The following ATXN2 variants were observed in gnomAD, a reference collection of about 807,000 sequenced individuals.
ATXN2 encodes ataxin 2, also known as ataxin-2.
A neutral mutation model predicts 138.6 loss-of-function variants in ATXN2; 37 were observed. The observed-to-expected ratio is 0.27, with a 90% CI of 0.21 to 0.35. The LOEUF (loss-of-function observed/expected upper bound fraction) is 0.35. ATXN2 is among the 10% of genes least tolerant of loss of function. The pLI, the probability that ATXN2 is intolerant of heterozygous loss-of-function variation, is 1.00. For missense variants in ATXN2, 1,216 were observed against 1,480.3 expected (o/e 0.82, Z 2.93); for synonymous variants, 549 against 543.7 (o/e 1.01, Z -0.13).
chr12:111,475,705 T>C (rs1876766945), intron 18 of ATXN2, among the ~76,000 whole-genome samples: 1 of 151,856 alleles, frequency 6.6e-6, no homozygotes, highest in Non-Finnish European at 1.5e-5. Context: ...CTGATTTTTT[T>C]AGTAGTAAGT....
intron 21 of ATXN2, among the ~76,000 whole-genome samples, chr12:111,460,084 G>A (rs1332975976): frequency 6.6e-6 from 1 of 152,080 alleles, no homozygotes; most frequent in Non-Finnish European, 1.5e-5. Flanking sequence ...GGACAGTGCA[G>A]TTTTGTTGTT....
At chr12:111,515,984 ATTTC>A (rs1696503105) in intron 10 of ATXN2, among the ~76,000 whole-genome samples, 166 bp downstream of exon 10, 1 of 152,208 alleles carries the variant, frequency 6.6e-6, no homozygotes, top group South Asian at 2.1e-4. Context: ...CATTTATCAA[ATTTC>A]TCTCTAATGA....
intron 1 of ATXN2, among the ~76,000 whole-genome samples, chr12:111,585,663 G>A (rs995216008): frequency 1.3e-4 from 19 of 151,768 alleles, no homozygotes; most frequent in Admixed American, 6.6e-4. Context: ...AAATTAACCC[G>A]GTGTGTGACC....
At position 111,552,292 on chromosome 12, in the gene ATXN2, A is replaced by T. The variant is rs1427239377; in HGVS notation, c.559T>A (p.Tyr187Asn). 1 of 1,596,434 alleles carries T rather than the reference A, an allele frequency of 6.3e-7. No individual in the cohort carries two copies. Among genetic ancestry groups the T allele is most frequent in the Admixed American group, 1.8e-5 (1 of 55,120 alleles). Residue 187 changes from tyrosine (Y) to asparagine (N), a missense_variant, in exon 5 of 25, where the codon TAT (tyrosine) becomes AAT (asparagine). Physicochemically the swap from Tyr to Asn is moderately radical, Grantham distance 143. This residue lies in a region of ATXN2 where 401 missense variants were observed against 528.1 expected (regional missense o/e 0.76). Coordinates refer to ENST00000673436, the MANE Select transcript of ATXN2 (RefSeq NM_001372574.1). The surrounding 1 kb of genome is among the most constrained non-coding windows in gnomAD (Gnocchi z 4.1). The part of the protein sequence containing the change: ...VVQFKDMDSS[Y>N]AKRDAFTDSA... The stretch of plus-strand genomic sequence containing the variant: ...AATCAAAACCCACCTCTTTTTGCAT[A>T]ACTGGAGTCCATATCTTTAAACTGT...
chr12:111,476,190 C>G (rs1453032139), intron 18 of ATXN2, among the ~76,000 whole-genome samples: 1 of 152,140 alleles, frequency 6.6e-6, no homozygotes, highest in African/African-American at 2.4e-5. Flanking sequence ...TGGCCTCAAG[C>G]GATCCTCCTG....
chr12:111,456,259 G>A lies in ATXN2; in HGVS notation c.3043-3C>T. 6.2e-7 allele frequency: 1 copy of A among 1,614,094 alleles called. No individual in the cohort carries two copies. The highest frequency in any genetic ancestry group is 8.5e-7 in the Non-Finnish European group (1 of 1,179,930). ...TGGGCGGCCTGGTGCTGATGGTGCT[G>A]CAAAGCGACAGGAAAGAATTGAGAG... On this transcript the variant is annotated splice_region_variant and splice_polypyrimidine_tract_variant and intron_variant, in intron 22 of 24. Transcript: ENST00000673436.
At chr12:111,519,379 T>G (rs1239380204) in intron 8 of ATXN2, among the ~76,000 whole-genome samples, 1 of 152,118 alleles carries the variant, frequency 6.6e-6, no homozygotes, top group Non-Finnish European at 1.5e-5. Flanking sequence ...TGGCCAAATT[T>G]TCTCATAGCC....
At chr12:111,544,971 A>G (rs1475471772) in intron 5 of ATXN2, among the ~76,000 whole-genome samples, 2 of 151,924 alleles carry the variant, frequency 1.3e-5, no homozygotes, top group South Asian at 2.1e-4. Context: ...CATCCTAGCT[A>G]ACACGGTGAA....
intron 5 of ATXN2, among the ~76,000 whole-genome samples, chr12:111,530,112 G>A (rs1010145904): frequency 2.0e-5 from 3 of 152,080 alleles, no homozygotes; most frequent in African/African-American, 4.8e-5. Context: ...ATGTGTCATC[G>A]TTATATGTGG....
intron 1 of ATXN2, among the ~76,000 whole-genome samples, chr12:111,556,383 T>C (rs1274150334): frequency 6.6e-6 from 1 of 151,796 alleles, no homozygotes; most frequent in African/African-American, 2.4e-5. Context: ...CTCTAAATAA[T>C]AATCTTTACT....
chr12:111,537,059 A>G (rs1054174221), intron 5 of ATXN2, among the ~76,000 whole-genome samples: 9 of 151,966 alleles, frequency 5.9e-5, no homozygotes, highest in Non-Finnish European at 1.2e-4. Context: ...CTGGGATTAC[A>G]GAGGCATGAG....
intron 1 of ATXN2, among the ~76,000 whole-genome samples, chr12:111,593,081 T>A (rs993331256): frequency 3.3e-5 from 5 of 151,516 alleles, no homozygotes; most frequent in African/African-American, 9.7e-5. Context: ...TCCTCCTTTT[T>A]TTGTTTGTTT....
rs59185968 is a variant in ATXN2, at chr12:111,493,418, C to CAAAAAAAAAA, written c.1936-4648_1936-4639dup. On this transcript the variant is annotated intron_variant, in intron 14 of 24. Transcript: ENST00000673436. ...CTGGTAACAGAGCATGACTCTGTCTCAAAAAAAAAAAAAAAAAAAAAAAGT... is the reference window on the plus strand; with the variant it reads ...CTGGTAACAGAGCATGACTCTGTCTCAAAAAAAAAAAAAAAAAAAAAAAAAAAAAAAAAGT... Among the ~76,000 whole-genome samples, 302 of 45,616 alleles carry CAAAAAAAAAA rather than the reference C, an allele frequency of 6.6e-3. 35 individuals carry two copies. The highest frequency in any genetic ancestry group is 0.028 in the African/African-American group (283 of 9,996). The allele number at this position is 45,616 out of a possible 152,430, so 29.9% of individuals were successfully genotyped here.
intron 6 of ATXN2, among the ~76,000 whole-genome samples, chr12:111,521,528 C>T (rs1049485868): frequency 1.3e-5 from 2 of 152,186 alleles, no homozygotes; most frequent in African/African-American, 4.8e-5. Context: ...ACCTCCCCTT[C>T]CTCCTGGGAA....
intron 20 of ATXN2, 71 bp downstream of exon 20, chr12:111,470,037 G>A (rs928018071): frequency 2.0e-6 from 3 of 1,481,168 alleles, no homozygotes; most frequent in Non-Finnish European, 2.7e-6. Context: ...TTCTTAGATA[G>A]AGTATGTTTT....
chr12:111,498,136 AG>A (rs1001102288), intron 14 of ATXN2, among the ~76,000 whole-genome samples: 1 of 152,192 alleles, frequency 6.6e-6, no homozygotes, highest in African/African-American at 2.4e-5. Flanking sequence ...AAAAACTGAA[AG>A]GCTTTCCTCT....
Position 111,599,084 on chromosome 12 carries a change from GC to G in ATXN2, c.-51del. 7.3e-7 allele frequency: 1 copy of G among 1,377,566 alleles called. No individual in the cohort carries two copies. The highest frequency in any genetic ancestry group is 9.4e-7 in the Non-Finnish European group (1 of 1,064,654). The allele number at this position is 1,377,566 out of a possible 1,614,324, so 85.3% of individuals were successfully genotyped here. ...GCACGCCGGGCGGGGACAGCCGGGAGCCGGGCGCGCCAAGGAGACGCCGGAA... is the reference window on the plus strand; with the variant it reads ...GCACGCCGGGCGGGGACAGCCGGGAGCGGGCGCGCCAAGGAGACGCCGGAA... On this transcript the variant is annotated 5_prime_UTR_variant, in exon 1 of 25. Coordinates refer to ENST00000673436, the MANE Select transcript of ATXN2 (RefSeq NM_001372574.1).
intron 5 of ATXN2, among the ~76,000 whole-genome samples, chr12:111,534,389 G>T (rs1235619469): frequency 1.3e-5 from 2 of 152,006 alleles, no homozygotes; most frequent in East Asian, 1.9e-4. Flanking sequence ...GTGATAGAGT[G>T]AGACCCCGTA....
At chr12:111,581,859 C>A in intron 1 of ATXN2, 1 of 293,118 alleles carries the variant, frequency 3.4e-6, no homozygotes. Flanking sequence ...ATTCCTCGCC[C>A]TGCCCCCAGA....
Sources: allele counts gnomAD v4.1 joint callset (sites outside exome capture counted in the v4.1 genomes callset), GRCh38; gene constraint gnomAD v4.1.1; regional missense constraint gnomAD v4.1.1; non-coding constraint Gnocchi (gnomAD v3.1); transcripts MANE v1.5; gene names NCBI Gene and HGNC (gene_info 2026-07-23, HGNC 2026-07-21).